The following MYO3B variants were observed in gnomAD, a reference collection of about 807,000 sequenced individuals.
MYO3B encodes myosin IIIB.
A neutral mutation model predicts 174.6 loss-of-function variants in MYO3B; 156 were observed. The observed-to-expected ratio is 0.89, with a 90% CI of 0.78 to 1.02. The LOEUF (loss-of-function observed/expected upper bound fraction) is 1.02, where lower values mean the gene tolerates loss of function less well. Among genes scored for constraint, MYO3B ranks in the 50% least tolerant of loss-of-function variants. The probability of loss-of-function intolerance (pLI) is 0.00; values close to 1 mark genes in which losing one functional copy is unlikely to be tolerated. For missense variants in MYO3B, 1,632 were observed against 1,639.4 expected (o/e 1.00, Z 0.08); for synonymous variants, 563 against 569.1 (o/e 0.99, Z 0.15).
intron 8 of MYO3B, chr2:170,340,174 T>G (rs900259720): frequency 2.0e-5 from 3 of 152,232 alleles, no homozygotes; most frequent in Non-Finnish European, 4.4e-5. Context: ...TACCAAGTCA[T>G]TGGTCACAAG....
intron 32 of MYO3B, among the ~76,000 whole-genome samples, chr2:170,626,360 G>T (rs1276786557): frequency 6.6e-6 from 1 of 152,122 alleles, no homozygotes; most frequent in Non-Finnish European, 1.5e-5. Flanking sequence ...TGTTTTATCA[G>T]AGACTAGGAT....
intron 3 of MYO3B, among the ~76,000 whole-genome samples, chr2:170,203,546 C>A (rs2092686277): frequency 1.3e-5 from 2 of 151,198 alleles, no homozygotes; most frequent in Admixed American, 6.6e-5. Context: ...GACAGAGAGA[C>A]CGACAGACCG....
rs1559202493 is a variant in MYO3B, at chr2:170,649,351, T to TATAATATATATTATATATAAAATA, written c.3734-2274_3734-2273insATATATATTATATATAAAATAATA. On this transcript the variant is annotated intron_variant, in intron 32 of 34. Transcript: ENST00000408978. ...ATAATATATATTATATATAAAATAA[T>TATAATATATATTATATATAAAATA]ATATAATATATTATATAAAAATATA... Among the ~76,000 whole-genome samples the TATAATATATATTATATATAAAATA allele has an allele frequency of 4.6e-4, 35 of 75,700 alleles. 5 individuals carry two copies. The highest frequency in any genetic ancestry group is 1.4e-3 in the African/African-American group (18 of 13,320). 49.7% of individuals were successfully genotyped at this position (75,700 alleles called of 152,430 possible).
intron 30 of MYO3B, among the ~76,000 whole-genome samples, chr2:170,534,286 A>T (rs1225980717): frequency 2.0e-5 from 3 of 152,216 alleles, no homozygotes; most frequent in African/African-American, 7.2e-5. Context: ...TTAATAGATA[A>T]TAGTGTAAAA....
intron 7 of MYO3B, among the ~76,000 whole-genome samples, chr2:170,322,732 T>G (rs1332846548): frequency 6.6e-6 from 1 of 152,184 alleles, no homozygotes. Flanking sequence ...CCACCTGACT[T>G]TAAATGGAGC....
intron 6 of MYO3B, among the ~76,000 whole-genome samples, chr2:170,220,015 T>C (rs925452657): frequency 3.9e-5 from 6 of 152,176 alleles, no homozygotes; most frequent in Non-Finnish European, 8.8e-5. Context: ...TCCCAGCACT[T>C]TGGGAGGCCA....
chr2:170,383,030 C>A, intron 10 of MYO3B, 43 bp from the exon 11 acceptor site: 1 of 1,227,538 alleles, frequency 8.1e-7, no homozygotes, highest in Non-Finnish European at 1.2e-6. Flanking sequence ...TATCCCTTGA[C>A]TGGGAATAAT....
chr2:170,261,596 T>C (rs912684190), intron 7 of MYO3B, among the ~76,000 whole-genome samples: 1 of 152,182 alleles, frequency 6.6e-6, no homozygotes, highest in Non-Finnish European at 1.5e-5. Context: ...CCAGTACACA[T>C]GCATAATCCC....
chr2:170,356,777 A>G (rs2094124734), intron 8 of MYO3B, among the ~76,000 whole-genome samples: 1 of 151,990 alleles, frequency 6.6e-6, no homozygotes, highest in African/African-American at 2.4e-5. Context: ...TTTTATTTTT[A>G]TCTTTAAAAA....
intron 22 of MYO3B, among the ~76,000 whole-genome samples, chr2:170,420,042 G>T (rs139827858): frequency 6.6e-6 from 1 of 152,014 alleles, no homozygotes; most frequent in Non-Finnish European, 1.5e-5. Context: ...AATTAACTGG[G>T]TGTGGTGATG....
At chr2:170,463,332 G>T in intron 23 of MYO3B, 36 bp from the exon 24 acceptor site, 1 of 1,599,950 alleles carries the variant, frequency 6.3e-7, no homozygotes, top group Non-Finnish European at 8.6e-7. Context: ...TAAGTGCCTA[G>T]ATCCTCAAAC....
At chr2:170,570,842 C>G (rs973203188) in intron 32 of MYO3B, among the ~76,000 whole-genome samples, 12 of 152,046 alleles carry the variant, frequency 7.9e-5, no homozygotes, top group Non-Finnish European at 1.8e-4. Context: ...AAATGCTCTA[C>G]AAACTAGCAT....
Position 170,401,821 on chromosome 2 carries a change from G to A in MYO3B, c.2129+130G>A. On this transcript the variant is annotated intron_variant, in intron 18 of 34. Coordinates refer to ENST00000408978, the MANE Select transcript of MYO3B (RefSeq NM_138995.5). ...CTTTTTCTTTTTTTTTTTTTTTGTG[G>A]AGTCAGAGTCTCACGCTGTTGCCCA... 8.1e-6 allele frequency: 5 copies of A among 614,588 alleles called. No individual in the cohort carries two copies. In the South Asian group the frequency reaches 1.0e-4, roughly 12 times the overall value. The allele number at this position is 614,588 out of a possible 1,614,324, so 38.1% of individuals were successfully genotyped here.
At chr2:170,631,066 T>C (rs940379989) in intron 32 of MYO3B, among the ~76,000 whole-genome samples, 4 of 152,192 alleles carry the variant, frequency 2.6e-5, no homozygotes, top group Middle Eastern at 3.4e-3. Flanking sequence ...CTTTGACGAG[T>C]TGAGAGAAGA....
chr2:170,582,342 G>C (rs764271948), intron 32 of MYO3B, among the ~76,000 whole-genome samples: 1 of 152,172 alleles, frequency 6.6e-6, no homozygotes, highest in Admixed American at 6.5e-5. Context: ...TAAAGGCTTC[G>C]TGGCAAATGT....
At chr2:170,203,911 T>C (rs1313982069) in intron 3 of MYO3B, among the ~76,000 whole-genome samples, 1 of 152,102 alleles carries the variant, frequency 6.6e-6, no homozygotes, top group Admixed American at 6.5e-5. Flanking sequence ...CACAAACATA[T>C]ACTATATGTG....
chr2:170,577,589 A>G (rs1692860435), intron 32 of MYO3B, among the ~76,000 whole-genome samples: 2 of 152,360 alleles, frequency 1.3e-5, no homozygotes, highest in South Asian at 4.1e-4. Flanking sequence ...GATCAGTATT[A>G]GGCTGTTGAT....
intron 32 of MYO3B, among the ~76,000 whole-genome samples, chr2:170,633,025 C>T (rs1005610906): frequency 7.2e-5 from 11 of 152,258 alleles, no homozygotes; most frequent in African/African-American, 1.7e-4. Context: ...GATTCACAGC[C>T]GAATTCTACC....
intron 7 of MYO3B, among the ~76,000 whole-genome samples, chr2:170,255,027 C>T (rs2093292087): frequency 6.6e-6 from 1 of 152,172 alleles, no homozygotes; most frequent in Admixed American, 6.5e-5. Context: ...AGCCCCAGGC[C>T]ACAGGTGCCA....
Sources: allele counts gnomAD v4.1 joint callset (sites outside exome capture counted in the v4.1 genomes callset), GRCh38; gene constraint gnomAD v4.1.1; transcripts MANE v1.5; gene names NCBI Gene and HGNC (gene_info 2026-07-23, HGNC 2026-07-21).